NDST1: variants seen among roughly 807,000 people sequenced by gnomAD.
The protein encoded by NDST1 is N-deacetylase and N-sulfotransferase 1, also known as bifunctional heparan sulfate N-deacetylase/N-sulfotransferase 1.
A neutral mutation model predicts 92.8 loss-of-function variants in NDST1; 35 were observed. That is an observed-to-expected ratio of 0.38 (90% CI 0.29 to 0.50). NDST1 has a LOEUF of 0.50. NDST1 is among the 20% of genes least tolerant of loss of function. The pLI is 0.94. For missense variants in NDST1, 822 were observed against 1,182.7 expected (o/e 0.69, Z 4.47); for synonymous variants, 493 against 500.3 (o/e 0.99, Z 0.19).
intron 11 of NDST1, among the ~76,000 whole-genome samples, chr5:150,545,949 G>T (rs1755458523): frequency 6.6e-6 from 1 of 151,202 alleles, no homozygotes; most frequent in African/African-American, 2.4e-5. Context: ...GAGAGGGTGT[G>T]GATCCAAGCC....
chr5:150,498,369 A>AT (rs1753085495), intron 1 of NDST1: 1 of 152,246 alleles, frequency 6.6e-6, no homozygotes, highest in Non-Finnish European at 1.5e-5. Context: ...CAAAGTAATC[A>AT]TTTGGTAAAA....
In NDST1 at chr5:150,553,857, C is replaced by A. The variant is rs1249289568; in HGVS notation, c.*525C>A. 2 of 432,100 alleles carry A rather than the reference C, an allele frequency of 4.6e-6. No homozygotes were observed. Among genetic ancestry groups the A allele is most frequent in the African/African-American group, 2.0e-5 (1 of 51,256 alleles). The allele number at this position is 432,100 out of a possible 1,614,324, so 26.8% of individuals were successfully genotyped here. On this transcript the variant is annotated 3_prime_UTR_variant, in exon 15 of 15. Transcript: ENST00000261797. This position sits in a 1 kb window ranked among gnomAD's most constrained non-coding sequence, Gnocchi z 4.2. Reference sequence around the variant, plus strand: ...CTAGGCTGGATGGGAGGGTGGCCCCCTCAAGAGGACTCCCAGCCTCCACAT... The same window carrying A: ...CTAGGCTGGATGGGAGGGTGGCCCCATCAAGAGGACTCCCAGCCTCCACAT...
At chr5:150,552,043 A>AC (rs1264933269) in intron 14 of NDST1, 188 bp downstream of exon 14, 1 of 553,862 alleles carries the variant, frequency 1.8e-6, no homozygotes, top group Non-Finnish European at 2.3e-6. Flanking sequence ...ATTTCGTCAA[A>AC]CAAGTGTTGG....
chr5:150,511,665 G>A (rs1451483197), intron 1 of NDST1, among the ~76,000 whole-genome samples: 1 of 152,160 alleles, frequency 6.6e-6, no homozygotes, highest in Non-Finnish European at 1.5e-5. Flanking sequence ...CTTTCCCGGT[G>A]GTGGTGGTCC....
At chr5:150,535,558 C>T in intron 5 of NDST1, 142 bp from the exon 6 acceptor site, 1 of 1,213,592 alleles carries the variant, frequency 8.2e-7, no homozygotes, top group Admixed American at 2.0e-5. Context: ...CAGGCCTCAG[C>T]TTCCCATCTT....
chr5:150,520,708 T>C lies in NDST1; in HGVS notation c.-387-160T>C, dbSNP rs184100603. Among the ~76,000 whole-genome samples the C allele has an allele frequency of 2.2e-3, 328 of 152,320 alleles. 8 individuals are homozygous for C. The highest frequency in any genetic ancestry group is 0.021 in the East Asian group (109 of 5,178). On this transcript the variant is annotated intron_variant, in intron 1 of 14. Transcript: ENST00000261797. ...TGCCCCATTTTACAAGTAGGGAAAC[T>C]GGGGCTCAGAGATATTAAAGAGCTT...
intron 1 of NDST1, among the ~76,000 whole-genome samples, chr5:150,499,535 G>A (rs1228256393): frequency 1.3e-5 from 2 of 152,220 alleles, no homozygotes; most frequent in African/African-American, 2.4e-5. Flanking sequence ...TGGAAGCATT[G>A]GAGCATCATG....
chr5:150,541,139 A>G (rs991012811), intron 8 of NDST1, among the ~76,000 whole-genome samples: 1 of 152,216 alleles, frequency 6.6e-6, no homozygotes, highest in Non-Finnish European at 1.5e-5. Flanking sequence ...AGCCACGCTC[A>G]TTCTTGTATC....
intron 3 of NDST1, among the ~76,000 whole-genome samples, chr5:150,530,548 G>A (rs866702910): frequency 6.2e-5 from 9 of 144,036 alleles, no homozygotes; most frequent in South Asian, 4.4e-4. Context: ...TTAATTTTCC[G>A]TATTTTAAAT....
chr5:150,545,341 A>T lies in NDST1; in HGVS notation c.2000A>T (p.Asn667Ile). The change falls in exon 11 of 15, where the codon AAC becomes ATC. Residue 667 changes from asparagine (N) to isoleucine (I), a missense_variant. Transcript: ENST00000261797. ...ATGGAGTTCTTCCCCATCCCTTCCA[A>T]CACCACCTCCGACTTCTACTTTGAG... ...WYMEFFPIPS[N>I]TTSDFYFEKS... 1 of 1,614,024 alleles carries T rather than the reference A, an allele frequency of 6.2e-7. No homozygotes were observed. The highest frequency in any genetic ancestry group is 8.5e-7 in the Non-Finnish European group (1 of 1,180,004).
Position 150,523,348 on chromosome 5 carries a change from A to G in NDST1, c.513+1581A>G, listed in dbSNP as rs1285308235. Among the ~76,000 whole-genome samples the G allele has an allele frequency of 3.3e-5, 5 of 152,342 alleles. No homozygotes were observed. In the East Asian group the frequency reaches 9.6e-4, roughly 29 times the overall value. On this transcript the variant is annotated intron_variant, in intron 2 of 14. Coordinates refer to ENST00000261797, the MANE Select transcript of NDST1 (RefSeq NM_001543.5). ...CCATGAACTTCGTTAAGTTCTATTC[A>G]GAGTCCCAGGCCTGAAAAGCGTCAA...
At chr5:150,541,755 C>G (rs1755259417) in intron 9 of NDST1, 89 bp downstream of exon 9, 1 of 1,230,280 alleles carries the variant, frequency 8.1e-7, no homozygotes, top group African/African-American at 1.5e-5. Context: ...TGGCCCCACT[C>G]CCGGATAATT....
In NDST1 at chr5:150,521,213, G is replaced by T; in HGVS notation, c.-42G>T. On this transcript the variant is annotated 5_prime_UTR_variant, in exon 2 of 15. It adds an upstream start codon to the 5' untranslated region. Transcript: ENST00000261797. This position sits in a 1 kb window ranked among gnomAD's most constrained non-coding sequence, Gnocchi z 5.9. ...CCTGTGTGGGGCCTTGGGGTAGCCAGGGCAGGCCGGGCCTCCGGTGGCCAA... is the reference window on the plus strand; with the variant it reads ...CCTGTGTGGGGCCTTGGGGTAGCCATGGCAGGCCGGGCCTCCGGTGGCCAA... 1 of 1,571,450 alleles carries T rather than the reference G, an allele frequency of 6.4e-7. No homozygotes were observed. Among genetic ancestry groups the T allele is most frequent in the Non-Finnish European group, 8.6e-7 (1 of 1,160,798 alleles).
rs534272088 is a variant in NDST1, at chr5:150,542,647, G to A, written c.1847-201G>A. ...TGTCCGTAGTAGGTACAGGAGTTGC[G>A]GTGTTCACATGCATGCCATATATTT... is the stretch of plus-strand genomic sequence containing the variant. On this transcript the variant is annotated intron_variant, in intron 9 of 14. Coordinates refer to ENST00000261797, the MANE Select transcript of NDST1 (RefSeq NM_001543.5). Among the ~76,000 whole-genome samples the A allele has an allele frequency of 2.6e-5, 4 of 152,306 alleles. 1 individual carries two copies. In the East Asian group the frequency reaches 7.7e-4, roughly 29 times the overall value.
At chr5:150,513,559 A>G (rs1292909097) in intron 1 of NDST1, among the ~76,000 whole-genome samples, 1 of 152,204 alleles carries the variant, frequency 6.6e-6, no homozygotes, top group Non-Finnish European at 1.5e-5. Flanking sequence ...TCACCACTAG[A>G]GTGAAATAGA....
At chr5:150,515,640 C>T (rs961776789) in intron 1 of NDST1, among the ~76,000 whole-genome samples, 4 of 152,108 alleles carry the variant, frequency 2.6e-5, no homozygotes, top group Non-Finnish European at 5.9e-5. Context: ...AATGCTTCCC[C>T]GAGATTGGTG....
At chr5:150,531,500 C>CTTTTTTTTTTTT (rs35747232) in intron 3 of NDST1, among the ~76,000 whole-genome samples, 1 of 131,140 alleles carries the variant, frequency 7.6e-6, no homozygotes, top group Non-Finnish European at 1.6e-5. Flanking sequence ...CTTTTTCTCT[C>CTTTTTTTTTTTT]TTTTTTTTTT....
chr5:150,524,767 C>T (rs943695677), intron 2 of NDST1, among the ~76,000 whole-genome samples: 2 of 152,204 alleles, frequency 1.3e-5, no homozygotes, highest in Non-Finnish European at 2.9e-5. Context: ...GTTGAGCATC[C>T]CTAGTCTGAA....
rs1398569083 is a variant in NDST1 at position 150,557,385 on chromosome 5, C to T, written c.*4053C>T. 6.5e-6 allele frequency: 1 copy of T among 152,672 alleles called. No homozygotes were observed. Among genetic ancestry groups the T allele is most frequent in the Non-Finnish European group, 1.5e-5 (1 of 68,074 alleles). 9.5% of individuals were successfully genotyped at this position (152,672 alleles called of 1,614,324 possible). On this transcript the variant is annotated 3_prime_UTR_variant, in exon 15 of 15. Coordinates refer to ENST00000261797, the MANE Select transcript of NDST1 (RefSeq NM_001543.5). This position sits in a 1 kb window ranked among gnomAD's most constrained non-coding sequence, Gnocchi z 4.7. ...TTTTCATTTCCTGGAGACCCGTGGT[C>T]TGTGTGCACTGGAGCAGAGCCAGGC...
Sources: allele counts gnomAD v4.1 joint callset (sites outside exome capture counted in the v4.1 genomes callset), GRCh38; gene constraint gnomAD v4.1.1; non-coding constraint Gnocchi (gnomAD v3.1); transcripts MANE v1.5; gene names NCBI Gene and HGNC (gene_info 2026-07-23, HGNC 2026-07-21).